Variants in DYNC2LI1 observed in about 807,000 individuals in gnomAD.
The protein encoded by DYNC2LI1 is cytoplasmic dynein 2 light intermediate chain 1.
A neutral mutation model predicts 51.9 loss-of-function variants in DYNC2LI1; 45 were observed. That is an observed-to-expected ratio of 0.87 (90% CI 0.68 to 1.11). The LOEUF (loss-of-function observed/expected upper bound fraction) is 1.11. Among genes scored for constraint, DYNC2LI1 ranks in the 50% most tolerant of loss-of-function variants. The pLI is 0.00. For synonymous variants in DYNC2LI1, 130 were observed against 137.8 expected (o/e 0.94, Z 0.40); for missense variants, 490 against 417.4 (o/e 1.17, Z -1.51).
intron 2 of DYNC2LI1, among the ~76,000 whole-genome samples, chr2:43,783,248 C>G (rs1475519742): frequency 6.6e-6 from 1 of 152,112 alleles, no homozygotes; most frequent in Non-Finnish European, 1.5e-5. Context: ...AAGTTGACCA[C>G]TTAAGTGAGG....
intron 2 of DYNC2LI1, among the ~76,000 whole-genome samples, chr2:43,783,024 A>G (rs1302657516): frequency 1.3e-5 from 2 of 152,182 alleles, no homozygotes. Flanking sequence ...GAAACTTGGA[A>G]TAAGTACATC....
chr2:43,781,999 T>C (rs1198092650), intron 2 of DYNC2LI1, among the ~76,000 whole-genome samples: 1 of 135,296 alleles, frequency 7.4e-6, no homozygotes, highest in African/African-American at 3.1e-5. Flanking sequence ...ATTTGTGTGT[T>C]TGTTTCTGTC....
chr2:43,774,221 A>G, intron 1 of DYNC2LI1, 75 bp downstream of exon 1: 1 of 1,589,966 alleles, frequency 6.3e-7, no homozygotes, highest in South Asian at 1.1e-5. Context: ...AGGCGGGACC[A>G]GCTGTTGGAA....
the DYNC2LI1 span, chr2:43,824,802 C>A: frequency 1.3e-6 from 2 of 1,577,440 alleles, no homozygotes; most frequent in Non-Finnish European, 1.7e-6. Context: ...AAAATCAAAT[C>A]CACTAGACTG....
At chr2:43,805,132 A>G in intron 11 of DYNC2LI1, 22 bp from the exon 12 acceptor site, 1 of 1,557,564 alleles carries the variant, frequency 6.4e-7, no homozygotes, top group Non-Finnish European at 8.8e-7. Flanking sequence ...GCGTGAAGTG[A>G]TTTTGAGATT....
chr2:43,822,020 T>G, the DYNC2LI1 span, among the ~76,000 whole-genome samples: 2 of 152,170 alleles, frequency 1.3e-5, no homozygotes, highest in Non-Finnish European at 2.9e-5. Flanking sequence ...GGCTGCATTT[T>G]CATCTACTCT....
At position 43,776,525 on chromosome 2, in the gene DYNC2LI1, G is replaced by A. The variant is rs1280052085; in HGVS notation, c.9-257G>A. ...ATGAACCGTAGGGGAAGACCCAAAT[G>A]TGACAGCCTCAAATCCTGGCAATAA... On this transcript the variant is annotated intron_variant, in intron 1 of 12. Coordinates refer to ENST00000260605, the MANE Select transcript of DYNC2LI1 (RefSeq NM_016008.4). Among the ~76,000 whole-genome samples, 3 of 152,130 alleles carry A rather than the reference G, an allele frequency of 2.0e-5. No individual in the cohort carries two copies. The East Asian group carries it at 5.8e-4, about 29-fold the overall frequency.
chr2:43,801,936 G>C, intron 10 of DYNC2LI1, among the ~76,000 whole-genome samples: 1 of 152,000 alleles, frequency 6.6e-6, no homozygotes, highest in Non-Finnish European at 1.5e-5. Context: ...TTTCATTTCT[G>C]ATCTCTATTC....
chr2:43,776,379 A>G (rs1452185610), intron 1 of DYNC2LI1, among the ~76,000 whole-genome samples: 1 of 152,214 alleles, frequency 6.6e-6, no homozygotes, highest in Non-Finnish European at 1.5e-5. Context: ...AGATTATTTG[A>G]TACACTGGTT....
chr2:43,822,814 GA>G, the DYNC2LI1 span: 2 of 1,614,170 alleles, frequency 1.2e-6, no homozygotes, highest in South Asian at 2.2e-5. Context: ...ACACACTGCT[GA>G]AAATCATGGT....
chr2:43,786,016 G>T (rs1029625496), intron 3 of DYNC2LI1, among the ~76,000 whole-genome samples: 1 of 152,050 alleles, frequency 6.6e-6, no homozygotes, highest in Non-Finnish European at 1.5e-5. Context: ...CCATAAAACT[G>T]CTTACCAGCA....
At chr2:43,778,326 G>T (rs1673117220) in intron 2 of DYNC2LI1, among the ~76,000 whole-genome samples, 1 of 151,872 alleles carries the variant, frequency 6.6e-6, no homozygotes, top group East Asian at 1.9e-4. Context: ...CTAATTTTTT[G>T]TATTTTTAAT....
At position 43,777,411 on chromosome 2, in the gene DYNC2LI1, C is replaced by T. The variant is rs116534098; in HGVS notation, c.126+512C>T. 8.3e-3 allele frequency among the ~76,000 whole-genome samples: 1,258 copies of T among 152,260 alleles called. 22 individuals are homozygous for T. Among genetic ancestry groups the T allele is most frequent in the African/African-American group, 0.029 (1,205 of 41,542 alleles). On this transcript the variant is annotated intron_variant, in intron 2 of 12. Coordinates refer to ENST00000260605, the MANE Select transcript of DYNC2LI1 (RefSeq NM_016008.4). The stretch of plus-strand genomic sequence containing the variant: ...GTTGTAAGTCTCTGTTTTACTTGGC[C>T]AAGCATACAGAAAGGCGTGGAAGTG...
the DYNC2LI1 span, chr2:43,819,948 A>G: frequency 3.1e-6 from 5 of 1,614,170 alleles, no homozygotes; most frequent in Middle Eastern, 1.6e-4. Context: ...CACCCCCGCA[A>G]TGGACAGCAG....
chr2:43,825,607 ATTG>A, the DYNC2LI1 span, among the ~76,000 whole-genome samples: 444 of 132,104 alleles, frequency 3.4e-3, 8 homozygotes, highest in Admixed American at 0.024. Context: ...TTTTGTTGTT[ATTG>A]TTGTTGTTGT....
chr2:43,820,210 T>G, the DYNC2LI1 span: 18 of 1,330,652 alleles, frequency 1.4e-5, no homozygotes, highest in South Asian at 2.2e-4. Context: ...GGGAGAAGTT[T>G]GCAGGGCAAG....
chr2:43,820,244 T>G, the DYNC2LI1 span: 4 of 937,290 alleles, frequency 4.3e-6, no homozygotes, highest in East Asian at 1.1e-4. Flanking sequence ...TGAAAGGCCG[T>G]TTTGGAAAGG....
At chr2:43,774,869 C>G (rs1672941078) in intron 1 of DYNC2LI1, among the ~76,000 whole-genome samples, 1 of 152,164 alleles carries the variant, frequency 6.6e-6, no homozygotes, top group South Asian at 2.1e-4. Flanking sequence ...TTCCTCTCTG[C>G]TAGGTATTTG....
chr2:43,795,124 C>T, intron 6 of DYNC2LI1: 2 of 994,946 alleles, frequency 2.0e-6, no homozygotes, highest in Non-Finnish European at 2.4e-6. Flanking sequence ...TATAAAGTTG[C>T]TATGATGGTA....
Sources: allele counts gnomAD v4.1 joint callset (sites outside exome capture counted in the v4.1 genomes callset), GRCh38; gene constraint gnomAD v4.1.1; transcripts MANE v1.5; gene names NCBI Gene and HGNC (gene_info 2026-07-23, HGNC 2026-07-21).